The following CACNB2 variants were observed in gnomAD, a reference collection of about 807,000 sequenced individuals.
CACNB2 encodes the protein voltage-dependent L-type calcium channel subunit beta-2.
Under a neutral mutation model 73.3 loss-of-function variants are expected in CACNB2, and 42 were observed. That is an observed-to-expected ratio of 0.57 (90% CI 0.45 to 0.74). The LOEUF is 0.74. Among genes scored for constraint, CACNB2 ranks in the 30% least tolerant of loss-of-function variants. The pLI is 0.00. For synonymous variants in CACNB2, 348 were observed against 310.3 expected (o/e 1.12, Z -1.28); for missense variants, 940 against 853.0 (o/e 1.10, Z -1.27).
At chr10:18,384,150 T>C (rs905961432) in intron 2 of CACNB2, among the ~76,000 whole-genome samples, 2 of 152,150 alleles carry the variant, frequency 1.3e-5, no homozygotes, top group African/African-American at 4.8e-5. Context: ...TAGTCACTGG[T>C]AGAGTCAGTA....
At chr10:18,486,246 G>T (rs2049053480) in intron 3 of CACNB2, among the ~76,000 whole-genome samples, 1 of 151,980 alleles carries the variant, frequency 6.6e-6, no homozygotes, top group Non-Finnish European at 1.5e-5. Context: ...TTAAACTTAG[G>T]TATGCATTGT....
chr10:18,183,669 G>C (rs1404252976), intron 2 of CACNB2, among the ~76,000 whole-genome samples: 1 of 152,110 alleles, frequency 6.6e-6, no homozygotes, highest in Non-Finnish European at 1.5e-5. Flanking sequence ...TCTCCCACTG[G>C]GTCCCTCCCA....
At chr10:18,536,419 C>T (rs758771830) in intron 12 of CACNB2, among the ~76,000 whole-genome samples, 3 of 151,392 alleles carry the variant, frequency 2.0e-5, no homozygotes, top group Non-Finnish European at 4.4e-5. Context: ...CCACCATGAT[C>T]GGCTAACTTT....
chr10:18,303,477 C>T (rs1184812210), intron 2 of CACNB2, among the ~76,000 whole-genome samples: 1 of 152,010 alleles, frequency 6.6e-6, no homozygotes, highest in Non-Finnish European at 1.5e-5. Context: ...TGCAATCCAG[C>T]CTGCGTGATA....
Position 18,296,031 on chromosome 10 carries a change from C to T in CACNB2, c.214-105893C>T, listed in dbSNP as rs1263638617. 3.2e-5 allele frequency among the ~76,000 whole-genome samples: 4 copies of T among 124,712 alleles called. No individual in the cohort carries two copies. In the Admixed American group the frequency reaches 3.6e-4, roughly 11 times the overall value. The allele number at this position is 124,712 out of a possible 152,430, so 81.8% of individuals were successfully genotyped here. Reference sequence around the variant, plus strand: ...TTTTTTTTTTTTTTTTTTTACCCTCCGTGATCACTGTATCTGTCTTGATGA... The same window carrying T: ...TTTTTTTTTTTTTTTTTTTACCCTCTGTGATCACTGTATCTGTCTTGATGA... On this transcript the variant is annotated intron_variant, in intron 2 of 13. Transcript: ENST00000324631.
intron 2 of CACNB2, among the ~76,000 whole-genome samples, chr10:18,373,767 A>G (rs1926028): frequency 0.29 from 43,695 of 152,116 alleles, 6,767 homozygotes; most frequent in East Asian, 0.66. Context: ...AGAATTATTA[A>G]TGCAGTTGCT....
At chr10:18,394,625 C>T (rs1293117302) in intron 2 of CACNB2, among the ~76,000 whole-genome samples, 1 of 152,156 alleles carries the variant, frequency 6.6e-6, no homozygotes, top group Non-Finnish European at 1.5e-5. Flanking sequence ...TCCCCTGCTT[C>T]GTGGCCTTGC....
chr10:18,486,658 C>G (rs1439697661), intron 3 of CACNB2, among the ~76,000 whole-genome samples: 2 of 152,126 alleles, frequency 1.3e-5, no homozygotes, highest in East Asian at 3.9e-4. Flanking sequence ...ATGACAGGGT[C>G]CAGGCATCTG....
At chr10:18,367,311 A>G (rs546067485) in intron 2 of CACNB2, among the ~76,000 whole-genome samples, 2 of 152,212 alleles carry the variant, frequency 1.3e-5, no homozygotes, top group African/African-American at 4.8e-5. Context: ...TTATATGCGG[A>G]ATTATTTTTT....
intron 2 of CACNB2, among the ~76,000 whole-genome samples, chr10:18,272,920 G>C (rs2038118338): frequency 6.6e-6 from 1 of 152,016 alleles, no homozygotes; most frequent in African/African-American, 2.4e-5. Context: ...CAGGGATGTT[G>C]GTCCCCAAAA....
intron 2 of CACNB2, among the ~76,000 whole-genome samples, chr10:18,274,404 T>A (rs2038188839): frequency 6.6e-6 from 1 of 152,178 alleles, no homozygotes; most frequent in South Asian, 2.1e-4. Flanking sequence ...CTCAACTTAC[T>A]CCTGAACGCC....
chr10:18,237,292 A>G (rs1211907213), intron 2 of CACNB2, among the ~76,000 whole-genome samples: 1 of 152,220 alleles, frequency 6.6e-6, no homozygotes, highest in African/African-American at 2.4e-5. Flanking sequence ...CATCAAATTA[A>G]GATTAGATTT....
intron 2 of CACNB2, among the ~76,000 whole-genome samples, chr10:18,303,568 G>A (rs565901222): frequency 2.0e-5 from 3 of 152,252 alleles, no homozygotes; most frequent in South Asian, 4.1e-4. Context: ...ACGTGTCTCA[G>A]ATGTCACTTA....
chr10:18,369,139 C>T (rs1362424881), intron 2 of CACNB2, among the ~76,000 whole-genome samples: 1 of 152,182 alleles, frequency 6.6e-6, no homozygotes, highest in Admixed American at 6.5e-5. Context: ...ATGAGGTCTA[C>T]ATAACTGTTT....
chr10:18,333,518 C>T (rs1246560438), intron 2 of CACNB2, among the ~76,000 whole-genome samples: 1 of 150,206 alleles, frequency 6.7e-6, no homozygotes, highest in South Asian at 2.1e-4. Flanking sequence ...TGACTATTTC[C>T]ATCTTGTTTT....
chr10:18,321,917 C>G (rs1262025085), intron 2 of CACNB2, among the ~76,000 whole-genome samples: 1 of 152,026 alleles, frequency 6.6e-6, no homozygotes, highest in Non-Finnish European at 1.5e-5. Context: ...TTTTGTGAGG[C>G]CAAGGTGGGA....
At chr10:18,187,367 T>G (rs1342940727) in intron 2 of CACNB2, among the ~76,000 whole-genome samples, 1 of 152,236 alleles carries the variant, frequency 6.6e-6, no homozygotes, top group African/African-American at 2.4e-5. Context: ...TGACCTGCCT[T>G]AACATTTTCA....
At chr10:18,295,679 C>A (rs2039248312) in intron 2 of CACNB2, among the ~76,000 whole-genome samples, 1 of 152,116 alleles carries the variant, frequency 6.6e-6, no homozygotes, top group Non-Finnish European at 1.5e-5. Flanking sequence ...GTTCACATAA[C>A]AAAGAATGCT....
At chr10:18,317,755 T>G (rs1226025440) in intron 2 of CACNB2, among the ~76,000 whole-genome samples, 3 of 152,192 alleles carry the variant, frequency 2.0e-5, no homozygotes, top group Non-Finnish European at 4.4e-5. Context: ...CATTCTTTCT[T>G]GAAAATTTCT....
Sources: allele counts gnomAD v4.1 joint callset (sites outside exome capture counted in the v4.1 genomes callset), GRCh38; gene constraint gnomAD v4.1.1; transcripts MANE v1.5; gene names NCBI Gene and HGNC (gene_info 2026-07-23, HGNC 2026-07-21).